The following ARHGEF3 variants were observed in gnomAD, a reference collection of about 807,000 sequenced individuals.
ARHGEF3 encodes Rho guanine nucleotide exchange factor 3.
In ARHGEF3, 28 loss-of-function variants were observed where a neutral mutation model predicts 63.2. That is an observed-to-expected ratio of 0.44 (90% confidence interval 0.33 to 0.61). ARHGEF3 has a LOEUF of 0.61. Ranked by LOEUF, ARHGEF3 falls within the 20% of genes least tolerant of loss-of-function variation. The pLI is 0.03. For missense variants in ARHGEF3, 533 were observed against 659.3 expected (o/e 0.81, Z 2.10); for synonymous variants, 266 against 254.2 (o/e 1.05, Z -0.44).
intron 1 of ARHGEF3, among the ~76,000 whole-genome samples, chr3:56,787,161 G>A (rs938611970): frequency 1.3e-5 from 2 of 152,110 alleles, no homozygotes; most frequent in African/African-American, 2.4e-5. Context: ...GGTTTCCCAA[G>A]CACTGCCAGG....
intron 3 of ARHGEF3, chr3:56,916,418 C>A: frequency 6.7e-7 from 1 of 1,486,468 alleles, no homozygotes. Context: ...ATTCTCTGAA[C>A]AGGGCTGAGC....
chr3:57,028,084 A>G (rs973739712), intron 2 of ARHGEF3, among the ~76,000 whole-genome samples: 2 of 150,148 alleles, frequency 1.3e-5, no homozygotes, highest in African/African-American at 4.9e-5. Context: ...ACACTTTTAC[A>G]CTGTTGGTGG....
intron 3 of ARHGEF3, among the ~76,000 whole-genome samples, chr3:56,903,091 G>C (rs7646123): frequency 0.25 from 30,295 of 119,690 alleles, 3,741 homozygotes; most frequent in East Asian, 0.51. Flanking sequence ...CACACACACA[G>C]AGAGAGAGAG....
At chr3:56,921,982 T>C (rs2108368243) in intron 3 of ARHGEF3, among the ~76,000 whole-genome samples, 1 of 152,336 alleles carries the variant, frequency 6.6e-6, no homozygotes, top group South Asian at 2.1e-4. Context: ...GAGCTCTGTC[T>C]TTATTCTCTC....
intron 2 of ARHGEF3, among the ~76,000 whole-genome samples, chr3:56,965,561 G>A (rs1194189768): frequency 4.0e-5 from 6 of 150,554 alleles, no homozygotes; most frequent in Admixed American, 4.0e-4. Flanking sequence ...AAATAAAGGA[G>A]AATATAGCAC....
intron 2 of ARHGEF3, among the ~76,000 whole-genome samples, chr3:56,996,531 A>G (rs1378307186): frequency 2.6e-5 from 4 of 152,220 alleles, no homozygotes; most frequent in Non-Finnish European, 4.4e-5. Flanking sequence ...CCATCTCATG[A>G]GGACACAGTG....
In ARHGEF3 at chr3:56,888,245, C is replaced by T. The variant is rs146438182; in HGVS notation, c.130-5891G>A. Among the ~76,000 whole-genome samples, 346 of 152,240 alleles carry T rather than the reference C, an allele frequency of 2.3e-3. 1 individual carries two copies. Among genetic ancestry groups the T allele is most frequent in the Admixed American group, 7.6e-3 (116 of 15,292 alleles). ...ACTCCTACGAAAAGGAATGTCAGAT[C>T]TGTTCAAGGGTGAGGCACATCCCTG... On this transcript the variant is annotated intron_variant, in intron 3 of 12. Transcript: ENST00000338458.
At chr3:56,977,186 T>C (rs1701157041) in intron 2 of ARHGEF3, 2 of 453,836 alleles carry the variant, frequency 4.4e-6, no homozygotes, top group South Asian at 3.1e-5. Flanking sequence ...TCCACCAAGT[T>C]GCATCAAGAT....
intron 1 of ARHGEF3, among the ~76,000 whole-genome samples, chr3:57,036,285 T>C (rs908987917): frequency 9.9e-5 from 15 of 152,046 alleles, no homozygotes; most frequent in African/African-American, 3.6e-4. Context: ...AGCTGTGAGT[T>C]TCATGTCACA....
At chr3:56,854,206 C>CA (rs899979796) in intron 4 of ARHGEF3, among the ~76,000 whole-genome samples, 2 of 151,544 alleles carry the variant, frequency 1.3e-5, no homozygotes, top group South Asian at 2.1e-4. Flanking sequence ...AAAAACAAAA[C>CA]AAAAAAACAA....
At chr3:56,980,102 C>T (rs530331452) in intron 2 of ARHGEF3, among the ~76,000 whole-genome samples, 5 of 152,246 alleles carry the variant, frequency 3.3e-5, no homozygotes, top group South Asian at 2.1e-4. Flanking sequence ...AATGGTAAGT[C>T]GAAAATGCAC....
rs1472601820 is a variant in ARHGEF3 at position 56,728,509 on chromosome 3, A to T, written c.*761T>A. The T allele has an allele frequency of 1.3e-5, 2 of 152,624 alleles. No individual in the cohort carries two copies. Among genetic ancestry groups the T allele is most frequent in the Non-Finnish European group, 2.9e-5 (2 of 68,058 alleles). 9.5% of individuals were successfully genotyped at this position (152,624 alleles called of 1,614,324 possible). On this transcript the variant is annotated 3_prime_UTR_variant, in exon 10 of 10. Transcript: ENST00000296315. Reference sequence around the variant, plus strand: ...GGCCTTCCTAAGCCCTTTGGGTTCTATTCTGATGTTTTAGGCTAGCAACCA... The same window carrying T: ...GGCCTTCCTAAGCCCTTTGGGTTCTTTTCTGATGTTTTAGGCTAGCAACCA...
intron 2 of ARHGEF3, among the ~76,000 whole-genome samples, chr3:56,971,675 C>A (rs1430282023): frequency 6.6e-6 from 1 of 151,542 alleles, no homozygotes; most frequent in Non-Finnish European, 1.5e-5. Flanking sequence ...CACAGTAAAA[C>A]CTCATCTCTA....
upstream of ARHGEF3, among the ~76,000 whole-genome samples, chr3:56,806,043 A>G (rs75725040): frequency 6.6e-6 from 1 of 151,222 alleles, no homozygotes; most frequent in South Asian, 2.1e-4. Context: ...TTTCAGGAGT[A>G]TTTTTTTTTA....
intron 3 of ARHGEF3, among the ~76,000 whole-genome samples, chr3:56,932,499 C>T (rs1242515509): frequency 6.6e-6 from 1 of 152,122 alleles, no homozygotes; most frequent in Non-Finnish European, 1.5e-5. Flanking sequence ...TCACTTACAA[C>T]TCATATGAAC....
chr3:57,038,186 C>T (rs778287804), intron 1 of ARHGEF3, among the ~76,000 whole-genome samples: 1 of 152,114 alleles, frequency 6.6e-6, no homozygotes, highest in Non-Finnish European at 1.5e-5. Flanking sequence ...GTGTTTCTCC[C>T]GACTGTGGCA....
At chr3:57,006,056 A>G (rs1236433881) in intron 2 of ARHGEF3, among the ~76,000 whole-genome samples, 2 of 152,176 alleles carry the variant, frequency 1.3e-5, no homozygotes, top group African/African-American at 4.8e-5. Flanking sequence ...ATGGCCCCAT[A>G]ACTGTAAATA....
At chr3:57,002,640 T>C (rs1031034530) in intron 2 of ARHGEF3, among the ~76,000 whole-genome samples, 3 of 148,086 alleles carry the variant, frequency 2.0e-5, no homozygotes, top group Admixed American at 6.8e-5. Context: ...GGTTGTTACA[T>C]AGGTAAACGT....
At chr3:57,051,750 G>C (rs1233560416) in intron 1 of ARHGEF3, among the ~76,000 whole-genome samples, 2 of 151,938 alleles carry the variant, frequency 1.3e-5, no homozygotes, top group Non-Finnish European at 2.9e-5. Flanking sequence ...GATCACCTGA[G>C]GTCAGGAGTT....
Sources: gnomAD v4.1 joint callset for allele counts (sites outside exome capture counted in the v4.1 genomes callset) on GRCh38, gnomAD v4.1.1 for gene constraint, MANE v1.5 for transcripts, NCBI Gene and HGNC (gene_info 2026-07-23, HGNC 2026-07-21) for gene names.